CCDC25: variants seen among roughly 807,000 people sequenced by gnomAD.
The protein encoded by CCDC25 is coiled-coil domain containing 25.
In CCDC25, 16 loss-of-function variants were observed where a neutral mutation model predicts 35.3. That is an observed-to-expected ratio of 0.45 (90% confidence interval 0.31 to 0.69). The LOEUF is 0.69. CCDC25 is among the 30% of genes least tolerant of loss of function. The pLI is 0.06. For synonymous variants in CCDC25, 79 were observed against 80.3 expected (o/e 0.98, Z 0.09); for missense variants, 179 against 250.7 (o/e 0.71, Z 1.93).
rs1804417025 is a variant in CCDC25 at position 27,766,839 on chromosome 8, G to A, written c.29-1588C>T. ...TGTACCCATTAAAAAGAAACGGCAG[G>A]TGAAGAAATTAAATATCCGAACAGT... On this transcript the variant is annotated intron_variant, in intron 1 of 8. Coordinates refer to ENST00000356537, the MANE Select transcript of CCDC25 (RefSeq NM_018246.3). Among the ~76,000 whole-genome samples, 4 of 151,942 alleles carry A rather than the reference G, an allele frequency of 2.6e-5. No homozygotes were observed. The South Asian group carries it at 8.3e-4, about 32-fold the overall frequency.
At chr8:27,746,712 A>G (rs1279754665) in intron 7 of CCDC25, among the ~76,000 whole-genome samples, 1 of 152,202 alleles carries the variant, frequency 6.6e-6, no homozygotes, top group Non-Finnish European at 1.5e-5. Flanking sequence ...ATACTTAAAC[A>G]TATATGTTAG....
At chr8:27,751,289 CTTG>C (rs1017578221) in intron 5 of CCDC25, among the ~76,000 whole-genome samples, 2 of 152,170 alleles carry the variant, frequency 1.3e-5, no homozygotes, top group African/African-American at 4.8e-5. Context: ...TTCAATTCTT[CTTG>C]TTATTTCAGT....
intron 1 of CCDC25, among the ~76,000 whole-genome samples, chr8:27,767,008 G>A (rs12155559): frequency 0.26 from 39,889 of 152,032 alleles, 6,227 homozygotes; most frequent in Middle Eastern, 0.36. Flanking sequence ...TTTAACAACA[G>A]TTACCTTGGT....
In CCDC25 at chr8:27,772,531, A is replaced by G; in HGVS notation, c.10T>C (p.Tyr4His). The G allele has an allele frequency of 6.5e-7, 1 of 1,549,960 alleles. No homozygotes were observed. Among genetic ancestry groups the G allele is most frequent in the African/African-American group, 1.4e-5 (1 of 73,162 alleles). MVFYFTSSSVNSSA... is the reference protein window; with the variant it reads MVFHFTSSSVNSSA... ...CACTCACCGCTGCTGCTGGTGAAGTAGAACACCATGATCCCGGGAGCGGTG... is the reference window on the plus strand; with the variant it reads ...CACTCACCGCTGCTGCTGGTGAAGTGGAACACCATGATCCCGGGAGCGGTG... Residue 4 changes from tyrosine (Y) to histidine (H), a missense_variant, in exon 1 of 9, where the codon TAC (tyrosine) becomes CAC (histidine). Coordinates refer to ENST00000356537, the MANE Select transcript of CCDC25 (RefSeq NM_018246.3).
chr8:27,749,171 GGC>G (rs2128939408), intron 5 of CCDC25, among the ~76,000 whole-genome samples: 1 of 152,306 alleles, frequency 6.6e-6, no homozygotes, highest in African/African-American at 2.4e-5. Context: ...TCAAAGCAGA[GGC>G]GCTCTGGATG....
chr8:27,751,520 T>A (rs1386061129), intron 5 of CCDC25, among the ~76,000 whole-genome samples: 1 of 152,182 alleles, frequency 6.6e-6, no homozygotes, highest in East Asian at 1.9e-4. Flanking sequence ...GCTGCGCTGC[T>A]CTTGTCCTGT....
chr8:27,739,278 CA>C (rs1422218979), intron 8 of CCDC25, among the ~76,000 whole-genome samples: 1 of 152,186 alleles, frequency 6.6e-6, no homozygotes, highest in Non-Finnish European at 1.5e-5. Flanking sequence ...GAGCCTCGTA[CA>C]TTTAGTTCTT....
At chr8:27,757,662 G>A (rs564933698) in intron 3 of CCDC25, among the ~76,000 whole-genome samples, 1 of 152,232 alleles carries the variant, frequency 6.6e-6, no homozygotes, top group Non-Finnish European at 1.5e-5. Flanking sequence ...CCAATACCCA[G>A]AAATGCCCCC....
At chr8:27,757,609 T>A (rs528341101) in intron 3 of CCDC25, among the ~76,000 whole-genome samples, 1 of 152,278 alleles carries the variant, frequency 6.6e-6, no homozygotes, top group Non-Finnish European at 1.5e-5. Context: ...GGATATGAGA[T>A]TTTCATGTTT....
rs1455595316 is a variant in CCDC25 at position 27,734,167 on chromosome 8, CCACGGTGA to C, written c.*2041_*2048del. 6.6e-6 allele frequency: 1 copy of C among 152,246 alleles called. No individual in the cohort carries two copies. The highest frequency in any genetic ancestry group is 2.4e-5 in the African/African-American group (1 of 41,450). The allele number at this position is 152,246 out of a possible 1,614,324, so 9.4% of individuals were successfully genotyped here. A position where few individuals can be genotyped will look rare whatever the true frequency, so the allele number is the denominator to read the frequency against. On this transcript the variant is annotated 3_prime_UTR_variant, in exon 9 of 9. Transcript: ENST00000356537. ...CTTCTCAATATTTGTTCTAGCCCAACCACGGTGACAAAGCTCCCTTGCCCAAAGATCGT... is the reference window on the plus strand; with the variant it reads ...CTTCTCAATATTTGTTCTAGCCCAACCAAAGCTCCCTTGCCCAAAGATCGT...
chr8:27,764,122 A>C (rs1804319556), intron 2 of CCDC25, among the ~76,000 whole-genome samples: 1 of 152,232 alleles, frequency 6.6e-6, no homozygotes, highest in African/African-American at 2.4e-5. Flanking sequence ...GAAGTCATAA[A>C]CACTATTAGA....
At chr8:27,762,667 T>C (rs1804267747) in intron 2 of CCDC25, among the ~76,000 whole-genome samples, 1 of 152,098 alleles carries the variant, frequency 6.6e-6, no homozygotes, top group African/African-American at 2.4e-5. Flanking sequence ...TTTTTATAAA[T>C]TTATATAATA....
rs181066519 is a variant in CCDC25 at position 27,756,453 on chromosome 8, A to G, written c.168+266T>C. On this transcript the variant is annotated intron_variant, in intron 4 of 8. Coordinates refer to ENST00000356537, the MANE Select transcript of CCDC25 (RefSeq NM_018246.3). ...AACTGAATTGAAAGAAAAGGAAAGC[A>G]GAGATGACAGACAGCACACCGGAAG... 8.5e-4 allele frequency: 313 copies of G among 366,294 alleles called. 3 individuals are homozygous for G. In the East Asian group the frequency reaches 0.015, roughly 18 times the overall value. The allele number at this position is 366,294 out of a possible 1,614,324, so 22.7% of individuals were successfully genotyped here.
chr8:27,747,157 G>C (rs570230426), intron 7 of CCDC25, among the ~76,000 whole-genome samples: 1 of 152,178 alleles, frequency 6.6e-6, no homozygotes, highest in Non-Finnish European at 1.5e-5. Flanking sequence ...CTAGTCTGTA[G>C]AACCTATAAA....
At chr8:27,768,856 C>T (rs1256316532) in intron 1 of CCDC25, among the ~76,000 whole-genome samples, 1 of 152,154 alleles carries the variant, frequency 6.6e-6, no homozygotes, top group African/African-American at 2.4e-5. Flanking sequence ...ATTAAAAGTA[C>T]AAGTGGACTT....
intron 5 of CCDC25, among the ~76,000 whole-genome samples, chr8:27,749,589 C>T (rs1004976445): frequency 4.6e-5 from 7 of 151,692 alleles, no homozygotes; most frequent in African/African-American, 1.7e-4. Context: ...TTTTGAAAGA[C>T]AAAGCAGTAT....
At chr8:27,759,185 C>T (rs1403752443) in intron 3 of CCDC25, among the ~76,000 whole-genome samples, 1 of 152,224 alleles carries the variant, frequency 6.6e-6, no homozygotes, top group Non-Finnish European at 1.5e-5. Flanking sequence ...CATCAACTGT[C>T]TGAGGATACA....
At chr8:27,760,617 T>C (rs1368463056) in intron 3 of CCDC25, among the ~76,000 whole-genome samples, 1 of 152,146 alleles carries the variant, frequency 6.6e-6, no homozygotes, top group East Asian at 1.9e-4. Flanking sequence ...ACTGGGGACA[T>C]AGTAGTTAAT....
At chr8:27,770,391 C>T (rs1353070975) in intron 1 of CCDC25, among the ~76,000 whole-genome samples, 1 of 152,108 alleles carries the variant, frequency 6.6e-6, no homozygotes, top group Non-Finnish European at 1.5e-5. Context: ...CGTGCCACTG[C>T]ACTCTAGCCT....
Sources: allele counts gnomAD v4.1 joint callset (sites outside exome capture counted in the v4.1 genomes callset), GRCh38; gene constraint gnomAD v4.1.1; transcripts MANE v1.5; gene names NCBI Gene and HGNC (gene_info 2026-07-23, HGNC 2026-07-21).